Variants in AGBL4 observed in about 807,000 individuals in gnomAD.
The protein encoded by AGBL4 is AGBL carboxypeptidase 4.
In AGBL4, 58 loss-of-function variants were observed where a neutral mutation model predicts 66.4. The ratio of observed to expected loss-of-function variants is 0.87; its 90% CI spans 0.71 to 1.09. The LOEUF is 1.09. Among genes scored for constraint, AGBL4 ranks in the 50% least tolerant of loss-of-function variants. The pLI is 0.00. For missense variants in AGBL4, 579 were observed against 631.0 expected (o/e 0.92, Z 0.88); for synonymous variants, 234 against 222.9 (o/e 1.05, Z -0.44).
Position 48,591,099 on chromosome 1 carries a change from C to T in AGBL4, c.952-114G>A, listed in dbSNP as rs574315697. On this transcript the variant is annotated intron_variant, in intron 9 of 13. Transcript: ENST00000371839. ...CCACACACACCCACCCACCCCCCCCCACACACACACACACATCAAGCTGAC... is the reference window on the plus strand; with the variant it reads ...CCACACACACCCACCCACCCCCCCCTACACACACACACACATCAAGCTGAC... 3 of 701,190 alleles carry T rather than the reference C, an allele frequency of 4.3e-6. No individual in the cohort carries two copies. The African/African-American group carries it at 6.7e-5, about 16-fold the overall frequency. 43.4% of individuals were successfully genotyped at this position (701,190 alleles called of 1,614,324 possible). A position where few individuals can be genotyped will look rare whatever the true frequency, so the allele number is the denominator to read the frequency against.
intron 4 of AGBL4, among the ~76,000 whole-genome samples, chr1:49,162,490 G>A (rs911327091): frequency 4.6e-5 from 7 of 152,064 alleles, no homozygotes; most frequent in Non-Finnish European, 8.8e-5. Flanking sequence ...AATTAGGGTT[G>A]GTATTTACTT....
At chr1:48,542,759 T>C (rs565958951) in intron 11 of AGBL4, among the ~76,000 whole-genome samples, 1 of 152,326 alleles carries the variant, frequency 6.6e-6, no homozygotes, top group South Asian at 2.1e-4. Flanking sequence ...GATGGAGAGA[T>C]TGCAAAAATT....
intron 6 of AGBL4, among the ~76,000 whole-genome samples, chr1:48,846,182 C>T (rs1250935017): frequency 1.3e-5 from 2 of 152,040 alleles, no homozygotes; most frequent in Admixed American, 6.6e-5. Context: ...TTGATTGTCC[C>T]ACCCATAAGT....
At chr1:49,465,540 T>G (rs2148705167) in intron 3 of AGBL4, among the ~76,000 whole-genome samples, 1 of 151,900 alleles carries the variant, frequency 6.6e-6, no homozygotes, top group South Asian at 2.1e-4. Context: ...CCCCAGTGCC[T>G]TAGGCACAGA....
intron 2 of AGBL4, among the ~76,000 whole-genome samples, chr1:49,833,211 T>C (rs1261291522): frequency 3.3e-5 from 5 of 152,246 alleles, no homozygotes; most frequent in Non-Finnish European, 5.9e-5. Context: ...TTTCTACATA[T>C]GGCTAGCCAG....
At chr1:49,356,372 G>T (rs1365512106) in intron 3 of AGBL4, among the ~76,000 whole-genome samples, 1 of 152,134 alleles carries the variant, frequency 6.6e-6, no homozygotes, top group Admixed American at 6.5e-5. Flanking sequence ...TGTTCCAAGA[G>T]ACTATTAATC....
intron 3 of AGBL4, among the ~76,000 whole-genome samples, chr1:49,333,579 T>C (rs1398570995): frequency 6.6e-6 from 1 of 152,152 alleles, no homozygotes; most frequent in Non-Finnish European, 1.5e-5. Context: ...ATTGTTCTTT[T>C]CCTTAGATTC....
intron 1 of AGBL4, among the ~76,000 whole-genome samples, chr1:49,909,136 A>G (rs1375163018): frequency 6.6e-6 from 1 of 152,210 alleles, no homozygotes; most frequent in Non-Finnish European, 1.5e-5. Flanking sequence ...CTGTAAAATA[A>G]CAATAATAAT....
chr1:49,670,155 C>T (rs1413617142), intron 3 of AGBL4, among the ~76,000 whole-genome samples: 1 of 152,058 alleles, frequency 6.6e-6, no homozygotes, highest in Non-Finnish European at 1.5e-5. Context: ...TGAGAAGCAC[C>T]TATTCTTTAA....
intron 3 of AGBL4, among the ~76,000 whole-genome samples, chr1:49,484,655 G>C (rs1476301873): frequency 1.3e-5 from 2 of 151,826 alleles, no homozygotes; most frequent in East Asian, 1.9e-4. Context: ...CAAATAATTA[G>C]AAAGAATAAA....
intron 3 of AGBL4, among the ~76,000 whole-genome samples, chr1:49,637,032 A>G (rs1453535839): frequency 6.6e-6 from 1 of 152,162 alleles, no homozygotes; most frequent in Non-Finnish European, 1.5e-5. Flanking sequence ...TGAAAAGACT[A>G]GACTGGCCTA....
At chr1:49,290,566 A>T (rs1439131367) in intron 3 of AGBL4, among the ~76,000 whole-genome samples, 1 of 152,100 alleles carries the variant, frequency 6.6e-6, no homozygotes, top group Non-Finnish European at 1.5e-5. Context: ...AAGGATTTGG[A>T]AAAAAAATAT....
rs892316309 is a variant in AGBL4 at position 49,326,197 on chromosome 1, G to T, written c.283-80333C>A. Among the ~76,000 whole-genome samples, 8 of 152,094 alleles carry T rather than the reference G, an allele frequency of 5.3e-5. 1 individual carries two copies. The South Asian group carries it at 1.0e-3, about 20-fold the overall frequency. ...CAGGTCTGCAAGGAATAAATTTTCT[G>T]AGATTTTGTTTACTTTCATTTTTGA... On this transcript the variant is annotated intron_variant, in intron 3 of 13. Transcript: ENST00000371839.
chr1:49,794,277 A>G (rs1485399559), intron 2 of AGBL4, among the ~76,000 whole-genome samples: 1 of 151,936 alleles, frequency 6.6e-6, no homozygotes, highest in South Asian at 2.1e-4. Flanking sequence ...ACTCTCACTT[A>G]TAAGTTCTCC....
intron 4 of AGBL4, among the ~76,000 whole-genome samples, chr1:49,166,246 T>A (rs1646631446): frequency 6.6e-6 from 1 of 152,144 alleles, no homozygotes; most frequent in African/African-American, 2.4e-5. Flanking sequence ...AATTTTACTT[T>A]TAACATTTTT....
intron 4 of AGBL4, among the ~76,000 whole-genome samples, chr1:49,057,761 T>G (rs1016151124): frequency 1.3e-5 from 2 of 152,190 alleles, no homozygotes; most frequent in African/African-American, 2.4e-5. Context: ...ATAGTTTATA[T>G]TTCCAACTAG....
chr1:49,653,947 A>G (rs1353608404), intron 3 of AGBL4, among the ~76,000 whole-genome samples: 1 of 152,052 alleles, frequency 6.6e-6, no homozygotes, highest in Non-Finnish European at 1.5e-5. Flanking sequence ...AGATAGTCCA[A>G]TGTACAAATT....
intron 6 of AGBL4, among the ~76,000 whole-genome samples, chr1:48,806,333 T>C (rs1324083682): frequency 6.6e-6 from 1 of 152,098 alleles, no homozygotes; most frequent in Non-Finnish European, 1.5e-5. Context: ...AACTACATCT[T>C]CCTCATCCCA....
intron 1 of AGBL4, among the ~76,000 whole-genome samples, chr1:49,920,867 T>C (rs924962471): frequency 1.4e-4 from 21 of 152,086 alleles, no homozygotes; most frequent in Admixed American, 9.8e-4. Flanking sequence ...AAGACTGGAT[T>C]AAGAAAATGT....
Sources: gnomAD v4.1 joint callset for allele counts (sites outside exome capture counted in the v4.1 genomes callset) on GRCh38, gnomAD v4.1.1 for gene constraint, MANE v1.5 for transcripts, NCBI Gene and HGNC (gene_info 2026-07-23, HGNC 2026-07-21) for gene names.